The following ERC2 variants were observed in gnomAD, a reference collection of about 807,000 sequenced individuals.
ERC2 encodes the protein ELKS/RAB6-interacting/CAST family member 2.
A neutral mutation model predicts 114.8 loss-of-function variants in ERC2; 42 were observed. The ratio of observed to expected loss-of-function variants is 0.37; its 90% CI spans 0.29 to 0.47. ERC2 has a LOEUF of 0.47. Ranked by LOEUF, ERC2 falls within the 20% of genes least tolerant of loss-of-function variation. ERC2 has a pLI of 0.99. For missense variants in ERC2, 939 were observed against 1,150.7 expected (o/e 0.82, Z 2.66); for synonymous variants, 454 against 425.5 (o/e 1.07, Z -0.82).
chr3:55,905,646 A>T (rs1438224278), intron 13 of ERC2, among the ~76,000 whole-genome samples: 7 of 152,216 alleles, frequency 4.6e-5, no homozygotes, highest in Non-Finnish European at 8.8e-5. Flanking sequence ...GAGGCGGTAT[A>T]GTATCTATTG....
intron 14 of ERC2, among the ~76,000 whole-genome samples, chr3:55,875,498 T>A (rs1260813509): frequency 6.6e-6 from 1 of 152,126 alleles, no homozygotes; most frequent in African/African-American, 2.4e-5. Context: ...GCATTTCAAT[T>A]TTCACAATCT....
chr3:55,760,658 A>C (rs2067369444), intron 14 of ERC2, among the ~76,000 whole-genome samples: 1 of 152,172 alleles, frequency 6.6e-6, no homozygotes, highest in Admixed American at 6.5e-5. Flanking sequence ...ATCCCAACTA[A>C]ATGCTCACTT....
chr3:56,139,440 T>C, intron 6 of ERC2, 69 bp downstream of exon 6: 1 of 1,488,408 alleles, frequency 6.7e-7, no homozygotes, highest in Non-Finnish European at 9.1e-7. Context: ...TGGAGGAAAG[T>C]TGTTCAGGTA....
intron 2 of ERC2, among the ~76,000 whole-genome samples, chr3:56,300,649 G>A (rs2055811488): frequency 6.6e-6 from 1 of 152,170 alleles, no homozygotes; most frequent in African/African-American, 2.4e-5. Flanking sequence ...TGGTCCTAAG[G>A]TGTCTTAATC....
intron 2 of ERC2, among the ~76,000 whole-genome samples, chr3:56,316,347 T>A (rs1409301839): frequency 1.3e-5 from 2 of 152,206 alleles, no homozygotes; most frequent in Middle Eastern, 3.2e-3. Context: ...GTTTATAGTA[T>A]CTGCGAAGCA....
chr3:56,172,216 A>G lies in ERC2; in HGVS notation c.1149+1230T>C, dbSNP rs532429475. On this transcript the variant is annotated intron_variant, in intron 4 of 17. Coordinates refer to ENST00000288221, the MANE Select transcript of ERC2 (RefSeq NM_015576.3). ...GAGCCAGGGTTAATAATTATTGTTT[A>G]ATCCTATTGGCATTTGGTCCCTTCA... is the stretch of plus-strand genomic sequence containing the variant. Among the ~76,000 whole-genome samples, 5 of 152,256 alleles carry G rather than the reference A, an allele frequency of 3.3e-5. No individual in the cohort carries two copies. The South Asian group carries it at 8.3e-4, about 25-fold the overall frequency.
At chr3:55,597,113 C>T (rs1209579091) in intron 17 of ERC2, among the ~76,000 whole-genome samples, 1 of 152,150 alleles carries the variant, frequency 6.6e-6, no homozygotes, top group African/African-American at 2.4e-5. Context: ...GATATCTGCA[C>T]TTCTGTGTTA....
At chr3:56,227,537 G>A (rs776097112) in intron 3 of ERC2, among the ~76,000 whole-genome samples, 1 of 151,620 alleles carries the variant, frequency 6.6e-6, no homozygotes, top group Non-Finnish European at 1.5e-5. Flanking sequence ...GTGCCCTCCC[G>A]AACAGAAGCC....
chr3:56,149,209 A>G, intron 4 of ERC2, 77 bp from the exon 5 acceptor site: 3 of 1,416,690 alleles, frequency 2.1e-6, no homozygotes, highest in Non-Finnish European at 1.9e-6. Context: ...AGAATTTAAG[A>G]AAGTAATTTT....
chr3:56,250,018 C>T (rs1451997939), intron 3 of ERC2, among the ~76,000 whole-genome samples: 3 of 152,094 alleles, frequency 2.0e-5, no homozygotes, highest in South Asian at 2.1e-4. Context: ...CCACCACACC[C>T]GGCTAATTTT....
rs1269805764 is a variant in ERC2 at position 56,388,617 on chromosome 3, A to G, written c.657+45734T>C. On this transcript the variant is annotated intron_variant, in intron 2 of 17. Coordinates refer to ENST00000288221, the MANE Select transcript of ERC2 (RefSeq NM_015576.3). Reference sequence around the variant, plus strand: ...TGCCCTCATGAGGCTTGAAGTCTAGACTTCCAATGGTTACTTCAAATTACA... The same window carrying G: ...TGCCCTCATGAGGCTTGAAGTCTAGGCTTCCAATGGTTACTTCAAATTACA... Among the ~76,000 whole-genome samples, 3 of 152,126 alleles carry G rather than the reference A, an allele frequency of 2.0e-5. No homozygotes were observed. The East Asian group carries it at 5.8e-4, about 29-fold the overall frequency.
intron 12 of ERC2, among the ~76,000 whole-genome samples, chr3:55,958,000 G>C (rs550106373): frequency 2.0e-4 from 31 of 152,312 alleles, no homozygotes; most frequent in African/African-American, 7.0e-4. Flanking sequence ...TTTCTGTTCA[G>C]CTCTTTCTGT....
chr3:56,058,597 G>C (rs1053969194), intron 7 of ERC2, among the ~76,000 whole-genome samples: 1 of 152,176 alleles, frequency 6.6e-6, no homozygotes, highest in African/African-American at 2.4e-5. Flanking sequence ...CTTTAAGTAA[G>C]CAGATTACCC....
intron 12 of ERC2, among the ~76,000 whole-genome samples, chr3:55,953,869 T>C (rs1455385634): frequency 6.6e-6 from 1 of 152,030 alleles, no homozygotes; most frequent in East Asian, 1.9e-4. Flanking sequence ...CTCCACATCT[T>C]CCCCTACCTG....
intron 2 of ERC2, among the ~76,000 whole-genome samples, chr3:56,418,040 C>G (rs2061236242): frequency 6.6e-6 from 1 of 151,994 alleles, no homozygotes; most frequent in African/African-American, 2.4e-5. Context: ...TAATCCCAGT[C>G]CTTTGGAAGG....
At chr3:56,321,586 A>C (rs1350960354) in intron 2 of ERC2, among the ~76,000 whole-genome samples, 1 of 152,166 alleles carries the variant, frequency 6.6e-6, no homozygotes, top group East Asian at 1.9e-4. Context: ...AAAATATTTG[A>C]TTGGTTACAG....
At chr3:56,405,182 GC>G (rs1319467241) in intron 2 of ERC2, among the ~76,000 whole-genome samples, 1 of 152,188 alleles carries the variant, frequency 6.6e-6, no homozygotes, top group Non-Finnish European at 1.5e-5. Context: ...GTTGGCTCAT[GC>G]CTGTAATCCC....
At chr3:56,172,841 G>A (rs552355288) in intron 4 of ERC2, among the ~76,000 whole-genome samples, 3 of 152,120 alleles carry the variant, frequency 2.0e-5, no homozygotes, top group South Asian at 2.1e-4. Context: ...TTCCTTAAAC[G>A]CCCTAAATTC....
In ERC2 at chr3:55,712,101, C is replaced by T. The variant is rs567040569; in HGVS notation, c.2713-12589G>A. ...AATTTCATTCATTTAGTGTCTATTTCTACTTCATTATCTGTGAGCCCCCTT... is the reference window on the plus strand; with the variant it reads ...AATTTCATTCATTTAGTGTCTATTTTTACTTCATTATCTGTGAGCCCCCTT... On this transcript the variant is annotated intron_variant, in intron 15 of 17. Transcript: ENST00000288221. 3.9e-5 allele frequency among the ~76,000 whole-genome samples: 6 copies of T among 152,304 alleles called. No individual in the cohort carries two copies. In the East Asian group the frequency reaches 1.2e-3, roughly 29 times the overall value.
Sources: gnomAD v4.1 joint callset for allele counts (sites outside exome capture counted in the v4.1 genomes callset) on GRCh38, gnomAD v4.1.1 for gene constraint, MANE v1.5 for transcripts, NCBI Gene and HGNC (gene_info 2026-07-23, HGNC 2026-07-21) for gene names.